COL4A4: variants seen among roughly 807,000 people sequenced by gnomAD.
COL4A4 encodes collagen alpha-4(IV) chain.
In COL4A4, 105 loss-of-function variants were observed where a neutral mutation model predicts 192.9. The ratio of observed to expected loss-of-function variants is 0.54; its 90% confidence interval spans 0.46 to 0.64. The LOEUF is 0.64. Among genes scored for constraint, COL4A4 ranks in the 30% least tolerant of loss-of-function variants. The pLI is 0.00. For synonymous variants in COL4A4, 762 were observed against 769.9 expected, an observed-to-expected ratio of 0.99 and a Z score of 0.17; for missense variants, 1,967 against 2,169.3, an observed-to-expected ratio of 0.91 and a Z score of 1.85.
chr2:227,064,478 G>A (rs947001511), intron 25 of COL4A4, among the ~76,000 whole-genome samples: 1 of 152,174 alleles, frequency 6.6e-6, no homozygotes, highest in Non-Finnish European at 1.5e-5. Flanking sequence ...AGTTATTGAG[G>A]AAAACTTCCA....
At chr2:227,072,267 T>C (rs967346104) in intron 25 of COL4A4, among the ~76,000 whole-genome samples, 2 of 151,904 alleles carry the variant, frequency 1.3e-5, no homozygotes, top group Admixed American at 6.6e-5. Flanking sequence ...AAGACTACTA[T>C]GGATACCTTT....
At chr2:226,991,703 G>A in the COL4A4 span, among the ~76,000 whole-genome samples, 1 of 152,130 alleles carries the variant, frequency 6.6e-6, no homozygotes, top group South Asian at 2.1e-4. Flanking sequence ...TATAGATAAG[G>A]AAACTAAGAC....
rs1962112681 is a variant in COL4A4, at chr2:227,006,409, A to G, written c.*916T>C. 2 of 152,736 alleles carry G rather than the reference A, an allele frequency of 1.3e-5. No individual in the cohort carries two copies. The highest frequency in any genetic ancestry group is 6.5e-5 in the Admixed American group (1 of 15,294). The allele number at this position is 152,736 out of a possible 1,614,324, so 9.5% of individuals were successfully genotyped here. A position where few individuals can be genotyped will look rare whatever the true frequency, so the allele number is the denominator to read the frequency against. ...CCCATGTAGCGTCAGTCCCATTAGC[A>G]CGCACGCACCTGTGACACGCCGGAC... On this transcript the variant is annotated 3_prime_UTR_variant, in exon 48 of 48. Transcript: ENST00000396625.
Position 227,059,404 on chromosome 2 carries a change from C to T in COL4A4, c.2383+1G>A. On this transcript the variant is annotated splice_donor_variant, in intron 28 of 47. Transcript: ENST00000396625. LOFTEE classifies it high-confidence loss of function. ...CCAAAAGGACAGCAAAGCCCTCATA[C>T]CTTCAGCCCCTGGACATCCCGGATC... 2 of 1,613,704 alleles carry T rather than the reference C, an allele frequency of 1.2e-6. No individual in the cohort carries two copies. The highest frequency in any genetic ancestry group is 8.5e-7 in the Non-Finnish European group (1 of 1,179,602).
chr2:227,031,193 C>T (rs978215279), intron 40 of COL4A4, among the ~76,000 whole-genome samples: 6 of 152,066 alleles, frequency 3.9e-5, no homozygotes, highest in Non-Finnish European at 2.9e-5. Context: ...ATAAATTGAC[C>T]CCAATTATAT....
At chr2:227,075,643 A>G (rs1034954101) in intron 25 of COL4A4, among the ~76,000 whole-genome samples, 2 of 152,200 alleles carry the variant, frequency 1.3e-5, no homozygotes, top group Non-Finnish European at 2.9e-5. Context: ...GGCCAAGGCA[A>G]TCAGGCAACA....
the COL4A4 span, among the ~76,000 whole-genome samples, chr2:226,972,730 C>G: frequency 6.6e-6 from 1 of 152,174 alleles, no homozygotes; most frequent in South Asian, 2.1e-4. Context: ...ACTGGTCTCT[C>G]GAGTCCAGGG....
At chr2:227,164,462 G>A (rs1400330366), upstream of COL4A4, 5 of 553,308 alleles carry the variant, frequency 9.0e-6, no homozygotes, top group East Asian at 1.7e-4. The surrounding 1 kb of genome is among the most constrained non-coding windows in gnomAD (Gnocchi z 4.8). Context: ...ACGATGCCCG[G>A]GTAGAAGGGA....
At chr2:227,125,214 G>GT (rs1225619818) in intron 4 of COL4A4, among the ~76,000 whole-genome samples, 3 of 149,800 alleles carry the variant, frequency 2.0e-5, no homozygotes, top group Middle Eastern at 3.4e-3. Flanking sequence ...TTTTTTTTTT[G>GT]TTTTTTTTCT....
intron 4 of COL4A4, among the ~76,000 whole-genome samples, chr2:227,130,922 A>G (rs1463246088): frequency 2.0e-5 from 3 of 150,734 alleles, no homozygotes; most frequent in Non-Finnish European, 4.4e-5. Context: ...CCTCCCATCC[A>G]CTTCCCTACC....
At chr2:227,156,673 T>C (rs957589656) in intron 1 of COL4A4, among the ~76,000 whole-genome samples, 1 of 152,000 alleles carries the variant, frequency 6.6e-6, no homozygotes. Flanking sequence ...GAAAAAGATA[T>C]ACCACACAAA....
chr2:227,102,695 C>G, intron 15 of COL4A4, 94 bp downstream of exon 15: 1 of 1,069,656 alleles, frequency 9.3e-7, no homozygotes, highest in South Asian at 1.2e-5. Context: ...CTATTCTTCA[C>G]TTTTGAGCTT....
intron 25 of COL4A4, among the ~76,000 whole-genome samples, chr2:227,070,975 C>A (rs537462124): frequency 6.6e-6 from 1 of 152,016 alleles, no homozygotes; most frequent in Non-Finnish European, 1.5e-5. Flanking sequence ...AACTTTAGAA[C>A]TCACACGGCC....
downstream of COL4A4, chr2:226,997,805 A>T (rs1040183353): frequency 2.0e-5 from 3 of 152,186 alleles, no homozygotes; most frequent in Admixed American, 6.5e-5. Context: ...ATGTAAACCA[A>T]TTACTTTAGC....
At chr2:227,105,887 G>A (rs1264189220) in intron 12 of COL4A4, among the ~76,000 whole-genome samples, 2 of 152,036 alleles carry the variant, frequency 1.3e-5, no homozygotes, top group Non-Finnish European at 1.5e-5. Flanking sequence ...AATGGAGATT[G>A]TAATATTACC....
intron 9 of COL4A4, among the ~76,000 whole-genome samples, chr2:227,110,730 C>G (rs113707567): frequency 6.6e-4 from 89 of 134,340 alleles, no homozygotes; most frequent in African/African-American, 2.3e-3. Context: ...GTTGCCCAGG[C>G]TGGAGTGCAA....
chr2:227,099,640 G>T lies in COL4A4; in HGVS notation c.1079C>A (p.Thr360Asn). 1 of 1,614,118 alleles carries T rather than the reference G, an allele frequency of 6.2e-7. No individual in the cohort carries two copies. Among genetic ancestry groups the T allele is most frequent in the South Asian group, 1.1e-5 (1 of 91,086 alleles). ...GHPGPPGVLV[T>N]PPLPLKGPPG... ...CAAACCTTTGAGTGGAAGAGGTGGAGTCACCAAAACACCTGGTGGTCCTGG... is the reference window on the plus strand; with the variant it reads ...CAAACCTTTGAGTGGAAGAGGTGGATTCACCAAAACACCTGGTGGTCCTGG... Residue 360 changes from threonine to asparagine, a missense_variant, in exon 18 of 48, where the codon ACT becomes AAT. Physicochemically the swap from Thr to Asn is moderately conservative, Grantham distance 65. Coordinates refer to ENST00000396625, the MANE Select transcript of COL4A4 (RefSeq NM_000092.5).
intron 25 of COL4A4, among the ~76,000 whole-genome samples, chr2:227,063,802 T>C (rs1977738954): frequency 6.6e-6 from 1 of 151,858 alleles, no homozygotes; most frequent in South Asian, 2.1e-4. Context: ...ACTATAAAAA[T>C]AATTCTATAC....
At chr2:227,142,099 A>C (rs2063253493) in intron 3 of COL4A4, among the ~76,000 whole-genome samples, 1 of 16,926 alleles carries the variant, frequency 5.9e-5, no homozygotes, top group South Asian at 1.4e-3. Flanking sequence ...AGTAGATTCA[A>C]AAAAAAAAAA....
Sources: allele counts gnomAD v4.1 joint callset (sites outside exome capture counted in the v4.1 genomes callset), GRCh38; gene constraint gnomAD v4.1.1; non-coding constraint Gnocchi (gnomAD v3.1); transcripts MANE v1.5; gene names NCBI Gene and HGNC (gene_info 2026-07-23, HGNC 2026-07-21).